Variants in TIAM1 observed in about 807,000 individuals in gnomAD.
The protein encoded by TIAM1 is rho guanine nucleotide exchange factor TIAM1.
TIAM1 carries 65 observed loss-of-function variants against 163.5 expected under a neutral mutation model. The ratio of observed to expected loss-of-function variants is 0.40; its 90% CI spans 0.33 to 0.49. TIAM1 has a LOEUF of 0.49. Ranked by LOEUF, TIAM1 falls within the 20% of genes least tolerant of loss-of-function variation. TIAM1 has a pLI of 0.77. For missense variants in TIAM1, 1,789 were observed against 2,044.7 expected (o/e 0.87, Z 2.41); for synonymous variants, 833 against 810.1 (o/e 1.03, Z -0.48).
intron 2 of TIAM1, among the ~76,000 whole-genome samples, chr21:31,409,491 C>T (rs924504413): frequency 8.5e-5 from 13 of 152,218 alleles, no homozygotes; most frequent in Admixed American, 3.9e-4. Flanking sequence ...CTGCTCCCCA[C>T]ATCTCTCTAG....
intron 6 of TIAM1, among the ~76,000 whole-genome samples, chr21:31,240,854 A>C (rs1258305964): frequency 6.6e-6 from 1 of 152,222 alleles, no homozygotes; most frequent in Admixed American, 6.5e-5. Context: ...GGAATCTGGA[A>C]GGTCACTGAT....
At chr21:31,462,836 A>G (rs535315560) in intron 2 of TIAM1, among the ~76,000 whole-genome samples, 9 of 149,872 alleles carry the variant, frequency 6.0e-5, no homozygotes, top group African/African-American at 2.0e-4. Context: ...TCCGCCTCCC[A>G]GGTTCAAGCC....
At chr21:31,396,138 T>C (rs937985859) in intron 2 of TIAM1, among the ~76,000 whole-genome samples, 2 of 152,218 alleles carry the variant, frequency 1.3e-5, no homozygotes, top group Non-Finnish European at 2.9e-5. Context: ...CCATCTTCTC[T>C]GCAAAACACA....
intron 15 of TIAM1, among the ~76,000 whole-genome samples, chr21:31,178,801 G>C (rs902766662): frequency 3.3e-5 from 5 of 151,748 alleles, no homozygotes; most frequent in Non-Finnish European, 7.4e-5. Flanking sequence ...GCCCAGACTG[G>C]AGTGCAATGG....
intron 4 of TIAM1, among the ~76,000 whole-genome samples, chr21:31,255,057 G>A (rs566776479): frequency 1.3e-5 from 2 of 152,322 alleles, no homozygotes; most frequent in South Asian, 4.1e-4. Flanking sequence ...GCCAACTGAT[G>A]CTGTAGCTTT....
At chr21:31,301,596 T>C (rs845940) in intron 2 of TIAM1, among the ~76,000 whole-genome samples, 25,666 of 152,064 alleles carry the variant, frequency 0.17, 2,644 homozygotes, top group East Asian at 0.48. Flanking sequence ...TCCCAACACT[T>C]TGGGAGGCAG....
Position 31,266,138 on chromosome 21 carries a change from C to T in TIAM1, c.835G>A (p.Glu279Lys), listed in dbSNP as rs370989770. 8 of 1,614,096 alleles carry T rather than the reference C, an allele frequency of 5.0e-6. No individual in the cohort carries two copies. The highest frequency in any genetic ancestry group is 6.8e-6 in the Non-Finnish European group (8 of 1,180,060). ...TTATAATTACTGTACGGAGGAGTCT[C>T]TTCAGCAGCAGCTGGTGGCATCTTA... The part of the protein sequence containing the change: ...NHKMPPAAAE[E>K]TPPYSNYNTL... Residue 279 changes from glutamate (E) to lysine (K), a missense_variant, in exon 4 of 28, where the codon GAG (glutamate) becomes AAG (lysine). Physicochemically the swap from Glu to Lys is moderately conservative, Grantham distance 56 (BLOSUM62 1). Transcript: ENST00000541036.
At chr21:31,397,995 T>TC (rs1261012314) in intron 2 of TIAM1, among the ~76,000 whole-genome samples, 1 of 151,860 alleles carries the variant, frequency 6.6e-6, no homozygotes, top group Non-Finnish European at 1.5e-5. Context: ...CTGCACAGAC[T>TC]CCAAGTACCT....
At chr21:31,330,625 T>A (rs2268228) in intron 2 of TIAM1, among the ~76,000 whole-genome samples, 28,689 of 151,738 alleles carry the variant, frequency 0.19, 4,128 homozygotes, top group East Asian at 0.44. Flanking sequence ...TTTTGTGGAG[T>A]TGGGGTTTCA....
At chr21:31,448,858 T>C (rs896948991) in intron 2 of TIAM1, among the ~76,000 whole-genome samples, 1 of 152,168 alleles carries the variant, frequency 6.6e-6, no homozygotes, top group Admixed American at 6.5e-5. Context: ...TGGAGATCCC[T>C]GGCATCTACT....
chr21:31,381,723 T>C (rs530566897), intron 2 of TIAM1, among the ~76,000 whole-genome samples: 83 of 152,064 alleles, frequency 5.5e-4, no homozygotes, highest in Non-Finnish European at 1.0e-3. Flanking sequence ...TCCCAGCTAT[T>C]TGGGAGGCTG....
rs559152622 is a variant in TIAM1, at chr21:31,492,481, C to G, written c.-421-28446G>C. 9.2e-5 allele frequency among the ~76,000 whole-genome samples: 14 copies of G among 152,228 alleles called. No individual in the cohort carries two copies. In the South Asian group the frequency reaches 1.2e-3, roughly 14 times the overall value. On this transcript the variant is annotated intron_variant, in intron 1 of 28. Coordinates refer to the TIAM1 transcript ENST00000286827. ...GAATTGTGTAAATTTACACAAAGAA[C>G]AGAAAACTTTAAAGACTGATCAAGG... is the stretch of plus-strand genomic sequence containing the variant.
chr21:31,120,817 GAGACTTGCTTGGGGC>G lies in TIAM1; in HGVS notation c.4312_4326del (p.Ala1438_Ser1442del), dbSNP rs2081974961. The G allele has an allele frequency of 1.2e-6, 2 of 1,612,478 alleles. No individual in the cohort carries two copies. Among genetic ancestry groups the G allele is most frequent in the Admixed American group, 1.7e-5 (1 of 59,938 alleles). On this transcript the variant is annotated inframe_deletion, in exon 28 of 28. Transcript: ENST00000541036. The surrounding 1 kb of genome is among the most constrained non-coding windows in gnomAD (Gnocchi z 4.2). ...GCCAGCCGCCGCCTCCTCCTCCCAA[GAGACTTGCTTGGGGC>G]AGACACTGCACACACACACAAAAAT...
chr21:31,508,307 T>C (rs760179383), intron 1 of TIAM1, among the ~76,000 whole-genome samples: 2 of 152,052 alleles, frequency 1.3e-5, no homozygotes, highest in African/African-American at 2.4e-5. Flanking sequence ...TAGTCCTAGG[T>C]TGGATTCTTT....
intron 2 of TIAM1, among the ~76,000 whole-genome samples, chr21:31,315,826 A>C (rs889836830): frequency 1.3e-5 from 2 of 151,818 alleles, no homozygotes; most frequent in Non-Finnish European, 2.9e-5. Context: ...CTAAAAATAC[A>C]AAAAGGCGGG....
chr21:31,312,578 AT>A (rs2074972050), intron 2 of TIAM1, among the ~76,000 whole-genome samples: 1 of 152,186 alleles, frequency 6.6e-6, no homozygotes, highest in African/African-American at 2.4e-5. Context: ...CTTAAGAAAC[AT>A]ACATACACCC....
At chr21:31,132,589 C>A (rs2082454693) in intron 23 of TIAM1, among the ~76,000 whole-genome samples, 1 of 152,196 alleles carries the variant, frequency 6.6e-6, no homozygotes, top group African/African-American at 2.4e-5. Flanking sequence ...CGCCACCATG[C>A]CACTGGGACC....
At position 31,369,817 on chromosome 21, in the gene TIAM1, G is replaced by A. The variant is rs577620049; in HGVS notation, c.-368-30395C>T. On this transcript the variant is annotated intron_variant, in intron 2 of 28. Transcript: ENST00000286827. ...AGCCTGATCAACATGGTGAAACCCC[G>A]TCTCTACTAATACAAAAATTAGCTG... 1.7e-3 allele frequency among the ~76,000 whole-genome samples: 255 copies of A among 152,186 alleles called. 2 individuals carry two copies. Among genetic ancestry groups the A allele is most frequent in the Non-Finnish European group, 2.5e-3 (167 of 67,992 alleles).
chr21:31,131,059 C>A, intron 23 of TIAM1, 111 bp from the exon 24 acceptor site: 1 of 824,552 alleles, frequency 1.2e-6, no homozygotes, highest in South Asian at 1.6e-5. Context: ...ACGTTGAGAT[C>A]CCAGTTAACT....
Sources: gnomAD v4.1 joint callset for allele counts (sites outside exome capture counted in the v4.1 genomes callset) on GRCh38, gnomAD v4.1.1 for gene constraint, Gnocchi (gnomAD v3.1) non-coding constraint, MANE v1.5 for transcripts, NCBI Gene and HGNC (gene_info 2026-07-23, HGNC 2026-07-21) for gene names.